PTGR2: variants seen among roughly 807,000 people sequenced by gnomAD.
PTGR2 encodes 15-oxoprostaglandin 13-reductase.
In PTGR2, 32 loss-of-function variants were observed where a neutral mutation model predicts 43.4. The observed-to-expected ratio is 0.74, with a 90% CI of 0.56 to 0.99. The LOEUF (loss-of-function observed/expected upper bound fraction) is 0.99, where lower values mean the gene tolerates loss of function less well. Among genes scored for constraint, PTGR2 ranks in the 50% least tolerant of loss-of-function variants. The pLI is 0.00. For synonymous variants in PTGR2, 106 were observed against 139.2 expected (o/e 0.76, Z 1.68); for missense variants, 373 against 420.0 (o/e 0.89, Z 0.98).
intron 3 of PTGR2, chr14:73,861,578 A>C (rs1397292587): frequency 1.3e-5 from 2 of 152,286 alleles, no homozygotes; most frequent in South Asian, 2.1e-4. Flanking sequence ...TCAACAAAAA[A>C]TTAAAAATTT....
intron 1 of PTGR2, among the ~76,000 whole-genome samples, chr14:73,854,527 T>G (rs900617338): frequency 6.6e-6 from 1 of 152,242 alleles, no homozygotes; most frequent in Non-Finnish European, 1.5e-5. Flanking sequence ...GAGAGAACTT[T>G]AATAGTATAT....
rs58234739 is a variant in PTGR2 at position 73,883,188 on chromosome 14, C to CT, written c.979+782dup. 7.2e-3 allele frequency among the ~76,000 whole-genome samples: 416 copies of CT among 58,112 alleles called. 13 individuals are homozygous for CT. Among genetic ancestry groups the CT allele is most frequent in the Middle Eastern group, 0.018 (1 of 56 alleles). The allele number at this position is 58,112 out of a possible 152,430, so 38.1% of individuals were successfully genotyped here. On this transcript the variant is annotated intron_variant, in intron 9 of 9. Transcript: ENST00000555661. The stretch of plus-strand genomic sequence containing the variant: ...CCTGCCCTTCCCTCCCCTCACCTCC[C>CT]TTTTTTTTTTTTTTTTTTTTTTTTT...
chr14:73,871,316 G>T (rs1312415220), intron 3 of PTGR2, among the ~76,000 whole-genome samples: 6 of 124,954 alleles, frequency 4.8e-5, no homozygotes, highest in African/African-American at 1.8e-4. Flanking sequence ...CTTACCCCAT[G>T]CATCTCTTCT....
chr14:73,861,431 A>G (rs1000794058), intron 3 of PTGR2: 3 of 152,110 alleles, frequency 2.0e-5, no homozygotes, highest in South Asian at 2.1e-4. Context: ...CTTTATGTCA[A>G]TTTACCCCCT....
In PTGR2 at chr14:73,876,483, C is replaced by CTTTTTTT. The variant is rs766810794; in HGVS notation, c.349-505_349-499dup. On this transcript the variant is annotated intron_variant, in intron 4 of 9. Transcript: ENST00000555661. The stretch of plus-strand genomic sequence containing the variant: ...TCTTCTTCTTCTAAGGACATAAGTC[C>CTTTTTTT]TTTTTTTTTTTTTTTTGAGATGAAG... Among the ~76,000 whole-genome samples, 806 of 108,530 alleles carry CTTTTTTT rather than the reference C, an allele frequency of 7.4e-3. 39 individuals are homozygous for CTTTTTTT. The highest frequency in any genetic ancestry group is 0.017 in the African/African-American group (513 of 29,678). The allele number at this position is 108,530 out of a possible 152,430, so 71.2% of individuals were successfully genotyped here.
intron 5 of PTGR2, 100 bp from the exon 6 acceptor site, chr14:73,878,996 A>G: frequency 1.1e-6 from 1 of 949,100 alleles, no homozygotes; most frequent in South Asian, 1.7e-5. Context: ...CTTAATTGTA[A>G]TGAACACTGT....
chr14:73,879,118 C>G lies in PTGR2; in HGVS notation c.542C>G (p.Ser181Cys), dbSNP rs2054924947. ...AGQIGHFLGCSRVVGICGTHE... is the reference protein window; with the variant it reads ...AGQIGHFLGCCRVVGICGTHE... The stretch of plus-strand genomic sequence containing the variant: ...TAGATTGGCCATTTCTTAGGTTGTT[C>G]CAGAGTGGTGGGAATTTGTGGAACA... The change falls in exon 6 of 10, where the codon TCC (serine) becomes TGC (cysteine). Residue 181 changes from serine to cysteine, a missense_variant. Coordinates refer to ENST00000555661, the MANE Select transcript of PTGR2 (RefSeq NM_001146154.2). The G allele has an allele frequency of 1.9e-6, 3 of 1,613,980 alleles. No individual in the cohort carries two copies. The highest frequency in any genetic ancestry group is 1.3e-5 in the African/African-American group (1 of 74,978).
At chr14:73,864,015 C>T (rs2054550723) in intron 3 of PTGR2, among the ~76,000 whole-genome samples, 1 of 152,190 alleles carries the variant, frequency 6.6e-6, no homozygotes, top group African/African-American at 2.4e-5. Context: ...GCCTCAGCCT[C>T]CTGAGTAGCT....
chr14:73,875,118 C>T (rs1366200969), intron 4 of PTGR2, among the ~76,000 whole-genome samples: 1 of 152,162 alleles, frequency 6.6e-6, no homozygotes, highest in East Asian at 1.9e-4. Context: ...TCTTGGTCTC[C>T]CAAAGTGCTG....
chr14:73,854,385 A>G (rs2054297749), intron 1 of PTGR2, among the ~76,000 whole-genome samples: 1 of 152,182 alleles, frequency 6.6e-6, no homozygotes, highest in Non-Finnish European at 1.5e-5. Context: ...TACAGGTGTG[A>G]GCCACCGTGC....
intron 7 of PTGR2, among the ~76,000 whole-genome samples, chr14:73,880,673 A>C (rs1285678640): frequency 6.6e-6 from 1 of 152,178 alleles, no homozygotes; most frequent in African/African-American, 2.4e-5. Context: ...TAGCTACCTG[A>C]AAACTGATAG....
intron 3 of PTGR2, among the ~76,000 whole-genome samples, chr14:73,862,093 G>C (rs1342580329): frequency 6.6e-6 from 1 of 151,610 alleles, no homozygotes; most frequent in South Asian, 2.1e-4. Context: ...TGGCCAGCCT[G>C]GTGTCAAACT....
intron 7 of PTGR2, chr14:73,880,394 G>A (rs2054955809): frequency 4.4e-6 from 2 of 450,618 alleles, no homozygotes; most frequent in South Asian, 2.1e-5. Context: ...CCAACATGGT[G>A]AAACCCCTTC....
chr14:73,862,868 C>T (rs940402780), intron 3 of PTGR2, among the ~76,000 whole-genome samples: 3 of 151,938 alleles, frequency 2.0e-5, no homozygotes, highest in South Asian at 2.1e-4. Flanking sequence ...CCACCACACC[C>T]GGCTAATTTT....
Position 73,877,359 on chromosome 14 carries a change from G to T in PTGR2, c.519+191G>T, listed in dbSNP as rs1035076731. On this transcript the variant is annotated intron_variant, in intron 5 of 9. Coordinates refer to ENST00000555661, the MANE Select transcript of PTGR2 (RefSeq NM_001146154.2). ...GGCTCACTGCAACCTCCGCCTCCTG[G>T]GTTCAAGAGATTCTCATGCCTTAGC... The T allele has an allele frequency of 8.0e-5, 37 of 461,950 alleles. 1 individual carries two copies. The highest frequency in any genetic ancestry group is 3.7e-5 in the East Asian group (1 of 26,960). 28.6% of individuals were successfully genotyped at this position (461,950 alleles called of 1,614,324 possible). A position where few individuals can be genotyped will look rare whatever the true frequency, so the allele number is the denominator to read the frequency against.
chr14:73,877,217 A>G (rs1360827114), intron 5 of PTGR2, 49 bp downstream of exon 5: 20 of 1,479,566 alleles, frequency 1.4e-5, no homozygotes, highest in South Asian at 3.6e-5. Context: ...GACGATTGTT[A>G]TAATTCTTAA....
chr14:73,875,665 A>G (rs2054843557), intron 4 of PTGR2, among the ~76,000 whole-genome samples: 1 of 150,208 alleles, frequency 6.7e-6, no homozygotes, highest in Non-Finnish European at 1.5e-5. Context: ...TTATAGGTAC[A>G]TGTTTATGTT....
intron 8 of PTGR2, 76 bp from the exon 9 acceptor site, chr14:73,882,323 T>C (rs1188513286): frequency 1.1e-5 from 10 of 924,920 alleles, no homozygotes; most frequent in Non-Finnish European, 1.2e-5. Context: ...TATTGCTGGC[T>C]TTTGTAAGTA....
Position 73,860,626 on chromosome 14 carries a change from G to C in PTGR2, c.125G>C (p.Arg42Thr). 1 of 1,527,440 alleles carries C rather than the reference G, an allele frequency of 6.5e-7. No homozygotes were observed. The highest frequency in any genetic ancestry group is 9.0e-7 in the Non-Finnish European group (1 of 1,110,224). The allele number at this position is 1,527,440 out of a possible 1,614,324, so 94.6% of individuals were successfully genotyped here. A position where few individuals can be genotyped will look rare whatever the true frequency, so the allele number is the denominator to read the frequency against. ...ATTAATGAAGGACAAGTACAAGTTA[G>C]AACTCTTTATCTTTCTGTGGATCCT... ...DNINEGQVQV[R>T]TLYLSVDPYM... The change falls in exon 3 of 10, where the codon AGA becomes ACA. Residue 42 changes from arginine to threonine, a missense_variant. Physicochemically the swap from Arg to Thr is moderately conservative, Grantham distance 71. Coordinates refer to ENST00000555661, the MANE Select transcript of PTGR2 (RefSeq NM_001146154.2).
Sources: allele counts gnomAD v4.1 joint callset (sites outside exome capture counted in the v4.1 genomes callset), GRCh38; gene constraint gnomAD v4.1.1; transcripts MANE v1.5; gene names NCBI Gene and HGNC (gene_info 2026-07-23, HGNC 2026-07-21).